Variants in WSCD2 observed in about 807,000 individuals in gnomAD.
The protein encoded by WSCD2 is sialate:O-sulfotransferase 2.
A neutral mutation model predicts 55.7 loss-of-function variants in WSCD2; 28 were observed. That is an observed-to-expected ratio of 0.50 (90% CI 0.37 to 0.69). WSCD2 has a LOEUF of 0.69. WSCD2 is among the 30% of genes least tolerant of loss of function. The pLI is 0.00. For missense variants in WSCD2, 616 were observed against 762.1 expected (o/e 0.81, Z 2.26); for synonymous variants, 301 against 301.9 (o/e 1.00, Z 0.03).
chr12:108,130,473 GGGGTGTGT>G (rs1875373846), intron 1 of WSCD2, among the ~76,000 whole-genome samples: 1 of 122,258 alleles, frequency 8.2e-6, no homozygotes, highest in South Asian at 2.8e-4. Flanking sequence ...TGTCCATTCT[GGGGTGTGT>G]GTGTGTGTGT....
chr12:108,243,428 AG>A (rs1249245248), intron 8 of WSCD2, among the ~76,000 whole-genome samples: 1 of 152,072 alleles, frequency 6.6e-6, no homozygotes, highest in African/African-American at 2.4e-5. Context: ...TAGTAGAGAC[AG>A]GGTTTCACCG....
At chr12:108,134,557 C>A (rs1030611332) in intron 1 of WSCD2, among the ~76,000 whole-genome samples, 8 of 152,098 alleles carry the variant, frequency 5.3e-5, no homozygotes, top group African/African-American at 1.9e-4. Context: ...AAATAAATGC[C>A]CCTCACAGGT....
chr12:108,187,014 G>C (rs148084973), intron 1 of WSCD2, among the ~76,000 whole-genome samples: 4 of 152,188 alleles, frequency 2.6e-5, no homozygotes, highest in Non-Finnish European at 5.9e-5. Context: ...CTTAACTTTT[G>C]CTCTTTCTTT....
At chr12:108,212,613 T>TCACACACAGACACA (rs1555235812) in intron 4 of WSCD2, among the ~76,000 whole-genome samples, 4 of 138,546 alleles carry the variant, frequency 2.9e-5, no homozygotes, top group African/African-American at 1.1e-4. Flanking sequence ...TCTCTCTCTC[T>TCACACACAGACACA]CACACACACA....
At chr12:108,144,363 G>A (rs1877172889) in intron 1 of WSCD2, among the ~76,000 whole-genome samples, 1 of 152,188 alleles carries the variant, frequency 6.6e-6, no homozygotes, top group South Asian at 2.1e-4. Flanking sequence ...AGGCTTTGAG[G>A]ATGGAATTCA....
chr12:108,181,677 T>G (rs920706623), intron 1 of WSCD2, among the ~76,000 whole-genome samples: 1 of 152,220 alleles, frequency 6.6e-6, no homozygotes, highest in African/African-American at 2.4e-5. Flanking sequence ...GGCATGATCA[T>G]AGCTCACTGC....
chr12:108,242,600 A>G (rs1234107370), intron 8 of WSCD2, among the ~76,000 whole-genome samples: 1 of 152,136 alleles, frequency 6.6e-6, no homozygotes, highest in East Asian at 1.9e-4. Context: ...TGGAGCCTGG[A>G]CATCAGTATA....
Position 108,250,039 on chromosome 12 carries a change from GT to G in WSCD2, c.*1697del, listed in dbSNP as rs535653223. On this transcript the variant is annotated 3_prime_UTR_variant, in exon 9 of 9. Coordinates refer to ENST00000547525, the MANE Select transcript of WSCD2 (RefSeq NM_014653.4). ...GACCTGGGTCAGTTCTTTGCTGGTG[GT>G]CCCCTCTGACCACAAGCTTCTGCCT... is the stretch of plus-strand genomic sequence containing the variant. 1 of 152,430 alleles carries G rather than the reference GT, an allele frequency of 6.6e-6. No homozygotes were observed. The highest frequency in any genetic ancestry group is 1.5e-5 in the Non-Finnish European group (1 of 68,030). 9.4% of individuals were successfully genotyped at this position (152,430 alleles called of 1,614,324 possible). A position where few individuals can be genotyped will look rare whatever the true frequency, so the allele number is the denominator to read the frequency against.
chr12:108,188,612 T>C (rs1324073123), intron 1 of WSCD2, among the ~76,000 whole-genome samples: 1 of 152,162 alleles, frequency 6.6e-6, no homozygotes. Flanking sequence ...GCTGTTTCAT[T>C]AAGTCTTTCA....
rs113409001 is a variant in WSCD2 at position 108,173,810 on chromosome 12, C to CTGTGTGTGTGTGTGTGTGTGTGTG, written c.-551-21450_-551-21427dup. On this transcript the variant is annotated intron_variant, in intron 1 of 8. Transcript: ENST00000547525. Reference sequence around the variant, plus strand: ...TGAGGCAGAGCTGATTCCTGGCTCTCTGTGTGTGTGTGTGTGTGTGTGTGT... The same window carrying CTGTGTGTGTGTGTGTGTGTGTGTG: ...TGAGGCAGAGCTGATTCCTGGCTCTCTGTGTGTGTGTGTGTGTGTGTGTGTGTGTGTGTGTGTGTGTGTGTGTGT... Among the ~76,000 whole-genome samples the CTGTGTGTGTGTGTGTGTGTGTGTG allele has an allele frequency of 1.4e-4, 18 of 131,234 alleles. 1 individual carries two copies. The highest frequency in any genetic ancestry group is 3.1e-4 in the African/African-American group (10 of 32,734). 86.1% of individuals were successfully genotyped at this position (131,234 alleles called of 152,430 possible).
intron 3 of WSCD2, among the ~76,000 whole-genome samples, chr12:108,208,757 C>T (rs1477313695): frequency 6.6e-6 from 1 of 152,186 alleles, no homozygotes; most frequent in African/African-American, 2.4e-5. Context: ...TGGGGAGCCA[C>T]TGCAGGGTGT....
intron 2 of WSCD2, among the ~76,000 whole-genome samples, chr12:108,204,876 A>C (rs1885133044): frequency 6.6e-6 from 1 of 152,244 alleles, no homozygotes; most frequent in South Asian, 2.1e-4. Context: ...GCAAGGAAAG[A>C]AGCTCAGTTT....
chr12:108,159,281 C>T (rs1878831560), intron 1 of WSCD2, among the ~76,000 whole-genome samples: 2 of 152,220 alleles, frequency 1.3e-5, no homozygotes, highest in Non-Finnish European at 2.9e-5. Context: ...GATGCTGGTG[C>T]TGATAGCCAA....
chr12:108,201,137 T>G (rs186172376), intron 2 of WSCD2, among the ~76,000 whole-genome samples: 1 of 152,294 alleles, frequency 6.6e-6, no homozygotes, highest in African/African-American at 2.4e-5. Flanking sequence ...ACAACAGATA[T>G]CTATTCTCTC....
At chr12:108,186,959 T>C (rs1349171967) in intron 1 of WSCD2, among the ~76,000 whole-genome samples, 1 of 152,180 alleles carries the variant, frequency 6.6e-6, no homozygotes, top group Non-Finnish European at 1.5e-5. Flanking sequence ...CTCGGTTCAG[T>C]GTCTCTTCTC....
intron 1 of WSCD2, among the ~76,000 whole-genome samples, chr12:108,175,828 T>TTTTTG (rs925241297): frequency 6.6e-6 from 1 of 152,118 alleles, no homozygotes; most frequent in Non-Finnish European, 1.5e-5. Context: ...TTACATGGCA[T>TTTTTG]TTTTCTTTTC....
intron 1 of WSCD2, among the ~76,000 whole-genome samples, chr12:108,164,205 T>C (rs954755332): frequency 1.4e-5 from 2 of 143,752 alleles, no homozygotes; most frequent in Non-Finnish European, 3.0e-5. Context: ...TGGTATACCT[T>C]ACATACTGTA....
chr12:108,162,964 C>T (rs1879217500), intron 1 of WSCD2, among the ~76,000 whole-genome samples: 1 of 152,210 alleles, frequency 6.6e-6, no homozygotes, highest in African/African-American at 2.4e-5. Flanking sequence ...TTCACTTACT[C>T]CTCACAAAAA....
chr12:108,172,238 G>A (rs117669221), intron 1 of WSCD2, among the ~76,000 whole-genome samples: 4,372 of 152,240 alleles, frequency 0.029, 105 homozygotes, highest in Non-Finnish European at 0.042. Flanking sequence ...GGCAGACTAG[G>A]TCCTGCCAGG....
Sources: allele counts gnomAD v4.1 joint callset (sites outside exome capture counted in the v4.1 genomes callset), GRCh38; gene constraint gnomAD v4.1.1; transcripts MANE v1.5; gene names NCBI Gene and HGNC (gene_info 2026-07-23, HGNC 2026-07-21).